The following ANO9 variants were observed in gnomAD, a reference collection of about 807,000 sequenced individuals.
ANO9 encodes the protein anoctamin-9.
ANO9 carries 80 observed loss-of-function variants against 100.5 expected under a neutral mutation model. The ratio of observed to expected loss-of-function variants is 0.80; its 90% CI spans 0.66 to 0.96. ANO9 has a LOEUF of 0.96. Among genes scored for constraint, ANO9 ranks in the 40% least tolerant of loss-of-function variants. ANO9 has a pLI of 0.00. For synonymous variants in ANO9, 473 were observed against 435.6 expected, an observed-to-expected ratio of 1.09 and a Z score of -1.07; for missense variants, 1,064 against 1,072.7, an observed-to-expected ratio of 0.99 and a Z score of 0.11.
In ANO9 at chr11:421,229, C is replaced by A; in HGVS notation, c.1335-31G>T. 6.7e-7 allele frequency: 1 copy of A among 1,496,270 alleles called. No individual in the cohort carries two copies. The allele number at this position is 1,496,270 out of a possible 1,614,324, so 92.7% of individuals were successfully genotyped here. On this transcript the variant is annotated intron_variant, in intron 15 of 22. Transcript: ENST00000332826. The surrounding 1 kb of genome is among the most constrained non-coding windows in gnomAD (Gnocchi z 6.8). ...GAGGAAGGGGAAGTCTGGGGCACTG[C>A]GGGCAGCGCCCTGCCTCTGACAGGG...
rs1343065352 is a variant in ANO9, at chr11:432,304, C to T, written c.351-250G>A. On this transcript the variant is annotated intron_variant, in intron 4 of 22. Coordinates refer to ENST00000332826, the MANE Select transcript of ANO9 (RefSeq NM_001012302.3). The surrounding 1 kb of genome is among the most constrained non-coding windows in gnomAD (Gnocchi z 4.8). ...GAGGCTGGGCTGGGGGCTCCTTCTC[C>T]TCCCAGCCCGTCCCTCCCAGAAGCC... 2.9e-5 allele frequency: 16 copies of T among 543,518 alleles called. No individual in the cohort carries two copies. Among genetic ancestry groups the T allele is most frequent in the South Asian group, 2.4e-4 (11 of 45,670 alleles). The allele number at this position is 543,518 out of a possible 1,614,324, so 33.7% of individuals were successfully genotyped here.
intron 4 of ANO9, 128 bp downstream of exon 4, chr11:433,186 C>T: frequency 7.6e-7 from 1 of 1,316,060 alleles, no homozygotes; most frequent in Non-Finnish European, 1.0e-6. Context: ...GTGGCCCCTG[C>T]CCTGAGACCA....
Position 429,828 on chromosome 11 carries a change from T to A in ANO9, c.772-10A>T. 6.4e-7 allele frequency: 1 copy of A among 1,567,034 alleles called. No individual in the cohort carries two copies. Among genetic ancestry groups the A allele is most frequent in the African/African-American group, 1.5e-5 (1 of 68,816 alleles). ...CAAAGAGGTGGGTGAGCTGGGGGGG[T>A]GATAGGTGGGCCGGAGAGGAGGTGG... On this transcript the variant is annotated splice_polypyrimidine_tract_variant and intron_variant, in intron 9 of 22. Coordinates refer to ENST00000332826, the MANE Select transcript of ANO9 (RefSeq NM_001012302.3).
At chr11:429,482 C>T (rs757211245) in intron 11 of ANO9, 88 bp downstream of exon 11, 156 of 1,554,086 alleles carry the variant, frequency 1.0e-4, no homozygotes, top group Non-Finnish European at 1.2e-4. Flanking sequence ...ACCTCAGACA[C>T]GGCAGGCATA....
In ANO9 at chr11:418,774, G is replaced by A. The variant is rs762839755; in HGVS notation, c.2076C>T (p.Ser692=). The change falls in exon 22 of 23, where the codon TCC becomes TCT. Residue 692 remains serine (S), a synonymous_variant. Transcript: ENST00000332826. The part of the protein sequence containing the change: ...DYRNPPDYNF[S]EQFWFLLAIR... ...TGGCCAGGAGGAACCAGAACTGCTC[G>A]GAGAAGTTGTAATCGGGGGGATTGC... is the stretch of plus-strand genomic sequence containing the variant. 28 of 1,613,078 alleles carry A rather than the reference G, an allele frequency of 1.7e-5. No individual in the cohort carries two copies. The highest frequency in any genetic ancestry group is 9.3e-5 in the African/African-American group (7 of 74,922).
intron 10 of ANO9, 43 bp downstream of exon 10, chr11:429,715 G>A: frequency 6.2e-7 from 1 of 1,612,122 alleles, no homozygotes; most frequent in Non-Finnish European, 8.5e-7. Context: ...AGCTTGGGCT[G>A]GCACTTCCCC....
rs1197966060 is a variant in ANO9 at position 433,813 on chromosome 11, A to C, written c.204+2T>G. On this transcript the variant is annotated splice_donor_variant, in intron 3 of 22. Transcript: ENST00000332826. LOFTEE classifies it high-confidence loss of function. ...CCTGCCCCTCGCTGGGCACCCGCCC[A>C]CCTTAATGTGGAAGCCCTTTCTCCT... 2.6e-6 allele frequency: 4 copies of C among 1,557,148 alleles called. No homozygotes were observed. The highest frequency in any genetic ancestry group is 3.5e-6 in the Non-Finnish European group (4 of 1,151,062).
Position 423,987 on chromosome 11 carries a change from CA to C in ANO9, c.1335-2790del, listed in dbSNP as rs539872097. On this transcript the variant is annotated intron_variant, in intron 15 of 22. Coordinates refer to ENST00000332826, the MANE Select transcript of ANO9 (RefSeq NM_001012302.3). ...GCAATGGTGCGATTTCAGTTCACTG[CA>C]ACCTCTGCCTCCTGGGTTCAAGTGA... 1.2e-3 allele frequency among the ~76,000 whole-genome samples: 182 copies of C among 151,832 alleles called. 1 individual carries two copies. In the Middle Eastern group the frequency reaches 0.014, roughly 11 times the overall value.
chr11:428,486 T>C lies in ANO9; in HGVS notation c.1174A>G (p.Ile392Val). The change falls in exon 13 of 23, where the codon ATC (isoleucine) becomes GTC (valine). Residue 392 changes from isoleucine to valine, a missense_variant. Coordinates refer to ENST00000332826, the MANE Select transcript of ANO9 (RefSeq NM_001012302.3). ...GCTCCCGGCCCCACCTTGGTCATGA[T>C]GATGATGGTCACATAGTGCACCAGA... ...GALVHYVTII[I>V]MTKINRCVAL... 6.2e-7 allele frequency: 1 copy of C among 1,612,476 alleles called. No individual in the cohort carries two copies. Among genetic ancestry groups the C allele is most frequent in the South Asian group, 1.1e-5 (1 of 91,070 alleles).
At chr11:420,921 G>T (rs751647304) in intron 17 of ANO9, 24 bp downstream of exon 17, 2 of 1,599,092 alleles carry the variant, frequency 1.3e-6, no homozygotes, top group Non-Finnish European at 1.7e-6. Flanking sequence ...GGGCTCCCGG[G>T]GCTGGGCGGG....
chr11:418,799 C>T lies in ANO9; in HGVS notation c.2051G>A (p.Arg684His), dbSNP rs373327405. The T allele has an allele frequency of 1.7e-5, 27 of 1,613,182 alleles. No individual in the cohort carries two copies. The highest frequency in any genetic ancestry group is 1.6e-4 in the Middle Eastern group (1 of 6,062). ...NVTLCRYRDY[R>H]NPPDYNFSEQ... ...GGAGAAGTTGTAATCGGGGGGATTGCGGTAGTCCCTGTATCTGGGGTAAGG... is the reference window on the plus strand; with the variant it reads ...GGAGAAGTTGTAATCGGGGGGATTGTGGTAGTCCCTGTATCTGGGGTAAGG... Residue 684 changes from arginine to histidine, a missense_variant, in exon 22 of 23, where the codon CGC becomes CAC. Arg to His is a conservative substitution (Grantham distance 29). Coordinates refer to ENST00000332826, the MANE Select transcript of ANO9 (RefSeq NM_001012302.3).
In ANO9 at chr11:420,796, C is replaced by T. The variant is rs765320102; in HGVS notation, c.1555G>A (p.Glu519Lys). Residue 519 changes from glutamate to lysine, a missense_variant, in exon 18 of 23, where the codon GAG becomes AAG. By Grantham distance (56) the Glu-to-Lys change is moderately conservative. Transcript: ENST00000332826. ...SESGHLPRDP[E>K]LRDWRRNYLL... is the part of the protein sequence containing the mutation. Reference sequence around the variant, plus strand: ...TAGTTGCGCCGCCAGTCCCTGAGCTCGGGGTCCCGGGGCAGGTGCCCGGAC... The same window carrying T: ...TAGTTGCGCCGCCAGTCCCTGAGCTTGGGGTCCCGGGGCAGGTGCCCGGAC... 34 of 1,596,734 alleles carry T rather than the reference C, an allele frequency of 2.1e-5. No individual in the cohort carries two copies. The highest frequency in any genetic ancestry group is 5.3e-5 in the African/African-American group (4 of 74,838).
chr11:419,255 C>T (rs549522312), intron 20 of ANO9: 15 of 1,420,104 alleles, frequency 1.1e-5, no homozygotes, highest in East Asian at 2.6e-5. Flanking sequence ...GGTGGCTCCT[C>T]GAGGTCAGAG....
chr11:430,018 C>G (rs959537051), intron 9 of ANO9, 65 bp downstream of exon 9: 17 of 1,510,460 alleles, frequency 1.1e-5, no homozygotes, highest in African/African-American at 6.9e-5. Context: ...TGATCTCCCC[C>G]GCTTCGGGTG....
At chr11:434,600 C>T (rs913976791) in intron 1 of ANO9, among the ~76,000 whole-genome samples, 5 of 152,182 alleles carry the variant, frequency 3.3e-5, no homozygotes, top group African/African-American at 1.2e-4. Flanking sequence ...CCTGGAGGTG[C>T]AGACGAGGGC....
intron 15 of ANO9, among the ~76,000 whole-genome samples, chr11:423,194 G>A (rs1450207456): frequency 6.6e-6 from 1 of 152,140 alleles, no homozygotes; most frequent in Non-Finnish European, 1.5e-5. Flanking sequence ...ATAAACATAT[G>A]TAAATAACCA....
intron 1 of ANO9, among the ~76,000 whole-genome samples, chr11:435,236 ATAGTATGGTATAGTC>A (rs765335660): frequency 5.4e-4 from 82 of 150,640 alleles, no homozygotes; most frequent in Non-Finnish European, 1.0e-3. Context: ...GTAGTATGGT[ATAGTATGGTATAGTC>A]TAGTATGGTA....
intron 18 of ANO9, 28 bp from the exon 19 acceptor site, chr11:420,643 C>T (rs368188822): frequency 8.7e-6 from 14 of 1,601,728 alleles, no homozygotes; most frequent in Middle Eastern, 1.7e-4. Flanking sequence ...GGCTCACCGG[C>T]GCCCCGCACT....
intron 15 of ANO9, among the ~76,000 whole-genome samples, chr11:426,084 A>G (rs1434009563): frequency 6.6e-6 from 1 of 152,176 alleles, no homozygotes; most frequent in Admixed American, 6.6e-5. Context: ...GACTTTGCCC[A>G]TCAGCTCAAG....
Sources: gnomAD v4.1 joint callset for allele counts (sites outside exome capture counted in the v4.1 genomes callset) on GRCh38, gnomAD v4.1.1 for gene constraint, Gnocchi (gnomAD v3.1) non-coding constraint, MANE v1.5 for transcripts, NCBI Gene and HGNC (gene_info 2026-07-23, HGNC 2026-07-21) for gene names.